Variants in SDK1 observed in about 807,000 individuals in gnomAD.
SDK1 encodes protein sidekick-1.
Under a neutral mutation model 245.5 loss-of-function variants are expected in SDK1, and 157 were observed. That is an observed-to-expected ratio of 0.64 (90% confidence interval 0.56 to 0.73). The LOEUF is 0.73. Among genes scored for constraint, SDK1 ranks in the 30% least tolerant of loss-of-function variants. SDK1 has a pLI of 0.00. For synonymous variants in SDK1, 1,647 were observed against 1,278.5 expected (o/e 1.29, Z -6.15); for missense variants, 3,583 against 3,002.3 (o/e 1.19, Z -4.52).
intron 28 of SDK1, among the ~76,000 whole-genome samples, chr7:4,137,609 A>G (rs931034716): frequency 1.6e-4 from 25 of 152,184 alleles, no homozygotes; most frequent in African/African-American, 5.3e-4. Flanking sequence ...ATTTGGATCA[A>G]TGTGTCTCGT....
At chr7:3,479,336 C>G (rs1405460643) in intron 1 of SDK1, among the ~76,000 whole-genome samples, 2 of 143,106 alleles carry the variant, frequency 1.4e-5, no homozygotes, top group Non-Finnish European at 3.0e-5. Flanking sequence ...GCAGGAGAAT[C>G]GATTGAACCC....
chr7:4,103,159 T>C (rs1398980498), intron 22 of SDK1, among the ~76,000 whole-genome samples: 1 of 151,370 alleles, frequency 6.6e-6, no homozygotes, highest in Admixed American at 6.6e-5. Flanking sequence ...CGCCACCACG[T>C]CCAGAGAATT....
intron 19 of SDK1, among the ~76,000 whole-genome samples, chr7:4,066,843 G>T (rs146001359): frequency 2.0e-5 from 3 of 152,196 alleles, no homozygotes; most frequent in African/African-American, 7.2e-5. Flanking sequence ...CATGTGGGGC[G>T]GAGCTCTGCG....
At chr7:4,195,090 A>G (rs1004855521) in intron 35 of SDK1, among the ~76,000 whole-genome samples, 2 of 152,228 alleles carry the variant, frequency 1.3e-5, no homozygotes, top group Admixed American at 6.5e-5. Context: ...TGTATTTTTA[A>G]TTGACATATA....
At chr7:4,112,218 A>AT (rs1783394786) in intron 23 of SDK1, among the ~76,000 whole-genome samples, 1 of 152,196 alleles carries the variant, frequency 6.6e-6, no homozygotes, top group South Asian at 2.1e-4. Context: ...AAGCAAAGGC[A>AT]GGAAGACTCC....
chr7:4,235,226 G>A (rs1562465605), intron 41 of SDK1, among the ~76,000 whole-genome samples: 2 of 152,128 alleles, frequency 1.3e-5, no homozygotes, highest in South Asian at 4.2e-4. Flanking sequence ...GTGCAGTGGC[G>A]TGATCTTAGC....
chr7:4,202,357 G>A (rs950498275), intron 35 of SDK1, among the ~76,000 whole-genome samples: 2 of 152,232 alleles, frequency 1.3e-5, no homozygotes, highest in Admixed American at 1.3e-4. Flanking sequence ...GCCGCCCTCC[G>A]AGTGCCAGCA....
chr7:4,095,075 C>G (rs1188992341), intron 22 of SDK1, among the ~76,000 whole-genome samples: 1 of 152,188 alleles, frequency 6.6e-6, no homozygotes, highest in African/African-American at 2.4e-5. Context: ...TTAGAACAAA[C>G]AGCAGAGGTC....
chr7:4,075,103 C>T (rs1343402111), intron 20 of SDK1, among the ~76,000 whole-genome samples: 2 of 151,308 alleles, frequency 1.3e-5, no homozygotes, highest in East Asian at 3.9e-4. Context: ...TGGGCCCAGG[C>T]AGAGACCCCA....
intron 1 of SDK1, among the ~76,000 whole-genome samples, chr7:3,376,601 G>A (rs1412610380): frequency 2.0e-5 from 3 of 152,180 alleles, no homozygotes; most frequent in Non-Finnish European, 4.4e-5. Context: ...GAAAAAGACC[G>A]ACAAGGTTAA....
intron 40 of SDK1, among the ~76,000 whole-genome samples, chr7:4,223,752 C>T (rs1479119446): frequency 6.6e-6 from 1 of 152,136 alleles, no homozygotes; most frequent in Non-Finnish European, 1.5e-5. Context: ...TATGAATTTG[C>T]AGTGGGGGGC....
chr7:3,785,348 C>T (rs1191860983), intron 4 of SDK1, among the ~76,000 whole-genome samples: 1 of 151,970 alleles, frequency 6.6e-6, no homozygotes, highest in African/African-American at 2.4e-5. Flanking sequence ...TTTAAAAGTT[C>T]TCACCATAAG....
rs144834870 is a variant in SDK1, at chr7:3,428,423, A to G, written c.298+126539A>G. Among the ~76,000 whole-genome samples, 564 of 152,340 alleles carry G rather than the reference A, an allele frequency of 3.7e-3. 2 individuals are homozygous for G. The highest frequency in any genetic ancestry group is 6.5e-3 in the Non-Finnish European group (442 of 68,038). ...ACCATTTCACAAAGTCTTAAAGGTT[A>G]AATGGCTACATACAGCACATGGCCA... On this transcript the variant is annotated intron_variant, in intron 1 of 44. Transcript: ENST00000404826.
rs181170548 is a variant in SDK1, at chr7:3,753,381, C to T, written c.714-68069C>T. 5.3e-5 allele frequency among the ~76,000 whole-genome samples: 8 copies of T among 152,202 alleles called. No homozygotes were observed. In the South Asian group the frequency reaches 1.7e-3, roughly 32 times the overall value. ...ATTAGAGATGCAAGCATGCAGGTTTCCTAAACTGAAGAGACATTGCCCCTT... is the reference window on the plus strand; with the variant it reads ...ATTAGAGATGCAAGCATGCAGGTTTTCTAAACTGAAGAGACATTGCCCCTT... On this transcript the variant is annotated intron_variant, in intron 4 of 44. Transcript: ENST00000404826.
At chr7:3,803,130 C>T (rs1400898822) in intron 4 of SDK1, among the ~76,000 whole-genome samples, 1 of 152,104 alleles carries the variant, frequency 6.6e-6, no homozygotes, top group African/African-American at 2.4e-5. Context: ...TGTTTTTTTA[C>T]ATTAGCCATT....
chr7:3,540,233 C>T (rs1225018463), intron 1 of SDK1, among the ~76,000 whole-genome samples: 1 of 152,124 alleles, frequency 6.6e-6, no homozygotes, highest in Non-Finnish European at 1.5e-5. Context: ...ATGACGAAAC[C>T]CCATCACTAC....
intron 7 of SDK1, among the ~76,000 whole-genome samples, chr7:3,956,846 A>G (rs547004274): frequency 6.1e-4 from 93 of 152,284 alleles, no homozygotes; most frequent in African/African-American, 2.1e-3. Flanking sequence ...CAGCCAAGCC[A>G]GCTTCGGGTC....
At chr7:3,484,027 C>T (rs1011260225) in intron 1 of SDK1, among the ~76,000 whole-genome samples, 6 of 152,258 alleles carry the variant, frequency 3.9e-5, no homozygotes, top group Middle Eastern at 3.4e-3. Context: ...GGATATCTGT[C>T]ACCTCAAACA....
chr7:4,095,112 T>A (rs1036841676), intron 22 of SDK1, among the ~76,000 whole-genome samples: 1 of 151,856 alleles, frequency 6.6e-6, no homozygotes, highest in Non-Finnish European at 1.5e-5. Flanking sequence ...CTCCTCCATA[T>A]CTGAGGTCTT....
Sources: gnomAD v4.1 joint callset for allele counts (sites outside exome capture counted in the v4.1 genomes callset) on GRCh38, gnomAD v4.1.1 for gene constraint, MANE v1.5 for transcripts, NCBI Gene and HGNC (gene_info 2026-07-23, HGNC 2026-07-21) for gene names.